The following POLR3F variants were observed in gnomAD, a reference collection of about 807,000 sequenced individuals.
POLR3F encodes RNA polymerase III subunit F.
A neutral mutation model predicts 43.6 loss-of-function variants in POLR3F; 31 were observed. The observed-to-expected ratio is 0.71, with a 90% CI of 0.53 to 0.96. The LOEUF is 0.96. Ranked by LOEUF, POLR3F falls within the 40% of genes least tolerant of loss-of-function variation. POLR3F has a pLI of 0.00. For missense variants in POLR3F, 316 were observed against 391.7 expected (o/e 0.81, Z 1.63); for synonymous variants, 114 against 132.5 (o/e 0.86, Z 0.96).
chr20:18,480,358 C>T (rs367935369), intron 6 of POLR3F, 44 bp from the exon 7 acceptor site: 1 of 1,390,906 alleles, frequency 7.2e-7, no homozygotes, highest in Non-Finnish European at 1.0e-6. Context: ...TCAGAAAACA[C>T]ACCAATATTC....
chr20:18,470,162 C>T (rs1169862316), intron 2 of POLR3F, among the ~76,000 whole-genome samples: 1 of 152,218 alleles, frequency 6.6e-6, no homozygotes, highest in East Asian at 1.9e-4. Flanking sequence ...AAGAGCATTT[C>T]AGTTTGGCTT....
chr20:18,471,581 T>C (rs1373039575), intron 2 of POLR3F, among the ~76,000 whole-genome samples: 1 of 152,236 alleles, frequency 6.6e-6, no homozygotes, highest in African/African-American at 2.4e-5. Flanking sequence ...AGCCTCTGGA[T>C]TGGGCCTTGT....
chr20:18,472,034 T>C (rs2059755565), intron 2 of POLR3F, among the ~76,000 whole-genome samples: 1 of 152,186 alleles, frequency 6.6e-6, no homozygotes, highest in Non-Finnish European at 1.5e-5. Context: ...ACTGTGGCTT[T>C]CTAGTACTTC....
intron 5 of POLR3F, among the ~76,000 whole-genome samples, chr20:18,479,563 C>G (rs1374548678): frequency 6.6e-6 from 1 of 152,078 alleles, no homozygotes; most frequent in African/African-American, 2.4e-5. Flanking sequence ...ATACAGGAAC[C>G]AAGTGAAAAG....
Position 18,469,208 on chromosome 20 carries a change from T to A in POLR3F, c.180+147T>A, listed in dbSNP as rs149008329. 5.3e-3 allele frequency: 3,342 copies of A among 629,542 alleles called. 68 individuals carry two copies. Among genetic ancestry groups the A allele is most frequent in the South Asian group, 0.035 (1,846 of 53,120 alleles). The allele number at this position is 629,542 out of a possible 1,614,324, so 39.0% of individuals were successfully genotyped here. A position where few individuals can be genotyped will look rare whatever the true frequency, so the allele number is the denominator to read the frequency against. The stretch of plus-strand genomic sequence containing the variant: ...TAGTTAAATATTTTATTGGAGTGTC[T>A]GTGTGGGTGTTTCTGAAAGAGGTTA... On this transcript the variant is annotated intron_variant, in intron 2 of 8. Transcript: ENST00000377603.
At chr20:18,470,909 G>A (rs2059746447) in intron 2 of POLR3F, among the ~76,000 whole-genome samples, 1 of 152,118 alleles carries the variant, frequency 6.6e-6, no homozygotes, top group South Asian at 2.1e-4. Context: ...TTCTATCCCT[G>A]GTACTGCATC....
rs925292818 is a variant in POLR3F at position 18,476,091 on chromosome 20, C to A, written c.429+904C>A. Among the ~76,000 whole-genome samples, 8 of 152,292 alleles carry A rather than the reference C, an allele frequency of 5.3e-5. No individual in the cohort carries two copies. The East Asian group carries it at 1.4e-3, about 26-fold the overall frequency. On this transcript the variant is annotated intron_variant, in intron 5 of 8. Coordinates refer to ENST00000377603, the MANE Select transcript of POLR3F (RefSeq NM_006466.4). The stretch of plus-strand genomic sequence containing the variant: ...ATAACAGCTCTGCTGAAATATAATT[C>A]ATCATTCATACTACAGAATTCATTC...
At chr20:18,467,622 C>T in intron 1 of POLR3F, 54 bp downstream of exon 1, 3 of 1,612,960 alleles carry the variant, frequency 1.9e-6, no homozygotes, top group Non-Finnish European at 2.5e-6. Context: ...GTCATTTGGG[C>T]AGCTGGACCC....
intron 8 of POLR3F, 123 bp downstream of exon 8, chr20:18,481,933 C>G: frequency 1.6e-6 from 1 of 612,292 alleles, no homozygotes; most frequent in Non-Finnish European, 2.9e-6. Context: ...CTATTCAAAC[C>G]TCCATGAAAC....
At chr20:18,473,313 TTTTG>T (rs1162288113) in intron 3 of POLR3F, 74 bp from the exon 4 acceptor site, 8 of 656,474 alleles carry the variant, frequency 1.2e-5, no homozygotes, top group Admixed American at 7.1e-5. Flanking sequence ...TGTCTGCTAA[TTTTG>T]TTTAAGTAGT....
chr20:18,480,511 T>C lies in POLR3F; in HGVS notation c.681+2T>C, dbSNP rs146235895. ...ATCTGCGAATTGGGAATCAGTAAGG[T>C]CAGAACTGAATTTCATCTTATTTTT... On this transcript the variant is annotated splice_donor_variant, in intron 7 of 8. Coordinates refer to ENST00000377603, the MANE Select transcript of POLR3F (RefSeq NM_006466.4). LOFTEE classifies it high-confidence loss of function. 17 of 1,478,876 alleles carry C rather than the reference T, an allele frequency of 1.1e-5. No homozygotes were observed. The highest frequency in any genetic ancestry group is 1.5e-5 in the Non-Finnish European group (16 of 1,057,898). 91.6% of individuals were successfully genotyped at this position (1,478,876 alleles called of 1,614,324 possible). A position where few individuals can be genotyped will look rare whatever the true frequency, so the allele number is the denominator to read the frequency against.
At chr20:18,467,750 G>T in intron 1 of POLR3F, 182 bp downstream of exon 1, 1 of 1,308,286 alleles carries the variant, frequency 7.6e-7, no homozygotes, top group South Asian at 1.5e-5. Context: ...AACTCAAGAA[G>T]TTCAAAATGG....
At chr20:18,482,395 G>C (rs8117523) in intron 8 of POLR3F, among the ~76,000 whole-genome samples, 2,434 of 152,192 alleles carry the variant, frequency 0.016, 62 homozygotes, top group African/African-American at 0.05. Flanking sequence ...ACCTAAATAG[G>C]GCAGAAAATG....
At position 18,483,160 on chromosome 20, in the gene POLR3F, G is replaced by A. The variant is rs144046378; in HGVS notation, c.874-321G>A. Among the ~76,000 whole-genome samples the A allele has an allele frequency of 3.9e-3, 586 of 152,078 alleles. 3 individuals carry two copies. Among genetic ancestry groups the A allele is most frequent in the African/African-American group, 0.014 (567 of 41,476 alleles). On this transcript the variant is annotated intron_variant, in intron 8 of 8. Coordinates refer to ENST00000377603, the MANE Select transcript of POLR3F (RefSeq NM_006466.4). ...GCTCACTACAACCTCTGCCTCCCAGGTTCAAGCAATTCTCCTGCCTCAGCC... is the reference window on the plus strand; with the variant it reads ...GCTCACTACAACCTCTGCCTCCCAGATTCAAGCAATTCTCCTGCCTCAGCC...
intron 4 of POLR3F, among the ~76,000 whole-genome samples, chr20:18,474,337 C>T (rs2059769077): frequency 6.6e-6 from 1 of 152,020 alleles, no homozygotes; most frequent in African/African-American, 2.4e-5. Flanking sequence ...TGCAGACACT[C>T]ATCTAAAGAG....
chr20:18,473,293 G>C, intron 3 of POLR3F, 98 bp from the exon 4 acceptor site: 1 of 597,752 alleles, frequency 1.7e-6, no homozygotes, highest in East Asian at 2.7e-5. Flanking sequence ...ATATGTCACT[G>C]TGGTGACCTT....
At chr20:18,476,595 C>A (rs2059781856) in intron 5 of POLR3F, among the ~76,000 whole-genome samples, 1 of 152,098 alleles carries the variant, frequency 6.6e-6, no homozygotes, top group Non-Finnish European at 1.5e-5. Flanking sequence ...TCTACATGAC[C>A]TTGGCTTTGT....
intron 4 of POLR3F, among the ~76,000 whole-genome samples, chr20:18,473,910 T>G (rs1036275373): frequency 6.6e-6 from 1 of 152,036 alleles, no homozygotes; most frequent in African/African-American, 2.4e-5. Context: ...TTAACAGATG[T>G]CCCTCCGCAG....
intron 5 of POLR3F, among the ~76,000 whole-genome samples, chr20:18,477,219 C>T (rs6081156): frequency 0.017 from 2,573 of 152,084 alleles, 30 homozygotes; most frequent in Non-Finnish European, 0.024. Context: ...CATTAGAGAA[C>T]TGCAAATTAA....
Sources: allele counts gnomAD v4.1 joint callset (sites outside exome capture counted in the v4.1 genomes callset), GRCh38; gene constraint gnomAD v4.1.1; transcripts MANE v1.5; gene names NCBI Gene and HGNC (gene_info 2026-07-23, HGNC 2026-07-21).